CCDC7: variants seen among roughly 807,000 people sequenced by gnomAD.
CCDC7 encodes coiled-coil domain containing 7.
Under a neutral mutation model 196.9 loss-of-function variants are expected in CCDC7, and 183 were observed. That is an observed-to-expected ratio of 0.93 (90% confidence interval 0.82 to 1.05). The LOEUF is 1.05. CCDC7 is among the 50% of genes least tolerant of loss of function. The pLI is 0.00. For missense variants in CCDC7, 1,540 were observed against 1,482.2 expected (o/e 1.04, Z -0.64); for synonymous variants, 525 against 484.6 (o/e 1.08, Z -1.10).
In CCDC7 at chr10:32,511,263, G is replaced by GGGC. The variant is rs1458630781; in HGVS notation, c.873-6680_873-6679insCGG. 2.0e-4 allele frequency: 121 copies of GGGC among 591,106 alleles called. 8 individuals carry two copies. The highest frequency in any genetic ancestry group is 6.4e-4 in the South Asian group (29 of 45,032). 36.6% of individuals were successfully genotyped at this position (591,106 alleles called of 1,614,324 possible). A position where few individuals can be genotyped will look rare whatever the true frequency, so the allele number is the denominator to read the frequency against. ...CCACAGAATTATTCTGTGGGGGGCG[G>GGGC]GGGGGGCGGGGAAATGTACTTTTTG... On this transcript the variant is annotated intron_variant, in intron 9 of 41. Transcript: ENST00000639629.
At chr10:32,505,733 T>C (rs546229316) in intron 9 of CCDC7, among the ~76,000 whole-genome samples, 95 of 151,450 alleles carry the variant, frequency 6.3e-4, no homozygotes, top group Admixed American at 1.3e-3. Flanking sequence ...ATGGGGCGGC[T>C]GGGCAGAGGC....
intron 31 of CCDC7, among the ~76,000 whole-genome samples, chr10:32,819,638 C>T (rs1337082001): frequency 6.6e-6 from 1 of 152,138 alleles, no homozygotes; most frequent in East Asian, 1.9e-4. Context: ...GGGCTTCATC[C>T]CTGGGATGCA....
chr10:32,620,297 A>G (rs1474679075), intron 18 of CCDC7, among the ~76,000 whole-genome samples: 1 of 152,076 alleles, frequency 6.6e-6, no homozygotes, highest in Non-Finnish European at 1.5e-5. Flanking sequence ...CTTTATTTAC[A>G]TTTGTGATTT....
intron 21 of CCDC7, among the ~76,000 whole-genome samples, chr10:32,679,960 A>G (rs1046953294): frequency 6.6e-6 from 1 of 152,222 alleles, no homozygotes; most frequent in African/African-American, 2.4e-5. Flanking sequence ...CACACTCTAG[A>G]CAATAGCTTC....
chr10:32,449,388 A>G (rs1227322102), upstream of CCDC7, among the ~76,000 whole-genome samples: 1 of 152,050 alleles, frequency 6.6e-6, no homozygotes, highest in Non-Finnish European at 1.5e-5. Context: ...GGGTTTTACC[A>G]TATTGGCCAG....
chr10:32,657,178 G>A (rs191107405), intron 20 of CCDC7, among the ~76,000 whole-genome samples: 133 of 152,276 alleles, frequency 8.7e-4, no homozygotes, highest in African/African-American at 3.2e-3. Context: ...GCTTTTCCAG[G>A]CACATGATGC....
intron 25 of CCDC7, among the ~76,000 whole-genome samples, chr10:32,723,919 A>G (rs960794283): frequency 1.3e-5 from 2 of 152,002 alleles, no homozygotes; most frequent in Admixed American, 6.6e-5. Context: ...ACTGGGTGCA[A>G]CTCAGCAACT....
intron 25 of CCDC7, 28 bp from the exon 27 acceptor site, chr10:32,726,706 G>A (rs766560513): frequency 1.7e-5 from 22 of 1,314,270 alleles, no homozygotes; most frequent in Admixed American, 5.6e-5. Flanking sequence ...CGGACTAAAT[G>A]TATCTCTTTA....
intron 11 of CCDC7, among the ~76,000 whole-genome samples, chr10:32,533,278 C>CA (rs946126528): frequency 6.6e-6 from 1 of 150,924 alleles, no homozygotes; most frequent in Non-Finnish European, 1.5e-5. Context: ...CACACACACA[C>CA]AATTCTACAC....
At position 32,508,424 on chromosome 10, in the gene CCDC7, A is replaced by G. The variant is rs111270130; in HGVS notation, c.873-9521A>G. Among the ~76,000 whole-genome samples the G allele has an allele frequency of 5.8e-4, 89 of 152,346 alleles. 1 individual carries two copies. Among genetic ancestry groups the G allele is most frequent in the African/African-American group, 2.0e-3 (85 of 41,584 alleles). On this transcript the variant is annotated intron_variant, in intron 9 of 41. Transcript: ENST00000639629. The stretch of plus-strand genomic sequence containing the variant: ...AGAAACGGGACAGTATTGTATGTTC[A>G]TGGATTAGAAGAGTTAATAGTGTTG...
At chr10:32,802,253 C>T (rs909515935) in intron 29 of CCDC7, among the ~76,000 whole-genome samples, 12 of 152,104 alleles carry the variant, frequency 7.9e-5, no homozygotes, top group African/African-American at 2.2e-4. Context: ...CTTTACATTC[C>T]GTAGTTCTTC....
chr10:32,546,970 CAT>C (rs2052570367), intron 13 of CCDC7, among the ~76,000 whole-genome samples: 1 of 152,080 alleles, frequency 6.6e-6, no homozygotes, highest in Non-Finnish European at 1.5e-5. Context: ...TTGTTCGTAT[CAT>C]AGCACCTTTC....
intron 24 of CCDC7, among the ~76,000 whole-genome samples, chr10:32,709,465 A>G (rs2080434402): frequency 6.6e-6 from 1 of 151,868 alleles, no homozygotes; most frequent in South Asian, 2.1e-4. Flanking sequence ...AACTTAAAGT[A>G]TAATAAAAAA....
intron 28 of CCDC7, among the ~76,000 whole-genome samples, chr10:32,743,172 A>G (rs2086169882): frequency 6.6e-6 from 1 of 152,192 alleles, no homozygotes. Context: ...ATTTGGGTAA[A>G]TATCAAGTAG....
chr10:32,567,204 ATAAG>A (rs1055021847), intron 14 of CCDC7, among the ~76,000 whole-genome samples: 106 of 149,936 alleles, frequency 7.1e-4, no homozygotes, highest in African/African-American at 2.4e-3. Context: ...AGTCTTTTAT[ATAAG>A]TAAGTTAATT....
chr10:32,748,738 G>A (rs986370118), intron 28 of CCDC7, among the ~76,000 whole-genome samples: 2 of 152,200 alleles, frequency 1.3e-5, no homozygotes, highest in Non-Finnish European at 2.9e-5. Flanking sequence ...AGACGGGGCT[G>A]GAGTTGGGTA....
intron 13 of CCDC7, among the ~76,000 whole-genome samples, chr10:32,556,104 T>C (rs1310518886): frequency 6.6e-6 from 1 of 152,212 alleles, no homozygotes; most frequent in East Asian, 1.9e-4. Flanking sequence ...AGTGAGGAAA[T>C]AGATTGTACC....
At chr10:32,703,218 A>G (rs1405877894) in intron 24 of CCDC7, among the ~76,000 whole-genome samples, 3 of 152,230 alleles carry the variant, frequency 2.0e-5, no homozygotes, top group Admixed American at 1.3e-4. Flanking sequence ...TGGTGGTGAC[A>G]AAATCTCTCA....
intron 2 of CCDC7, among the ~76,000 whole-genome samples, chr10:32,456,010 A>G (rs2034256725): frequency 6.6e-6 from 1 of 152,082 alleles, no homozygotes; most frequent in Admixed American, 6.6e-5. Flanking sequence ...GAATGAGAGG[A>G]GAGACATGGC....
Sources: gnomAD v4.1 joint callset for allele counts (sites outside exome capture counted in the v4.1 genomes callset) on GRCh38, gnomAD v4.1.1 for gene constraint, MANE v1.5 for transcripts, NCBI Gene and HGNC (gene_info 2026-07-23, HGNC 2026-07-21) for gene names.